The following DGKA variants were observed in gnomAD, a reference collection of about 807,000 sequenced individuals.
DGKA encodes 80 kDa diacylglycerol kinase.
In DGKA, 35 loss-of-function variants were observed where a neutral mutation model predicts 105.0. That is an observed-to-expected ratio of 0.33 (90% CI 0.25 to 0.44). The LOEUF (loss-of-function observed/expected upper bound fraction) is 0.44, where lower values mean the gene tolerates loss of function less well. Ranked by LOEUF, DGKA falls within the 20% of genes least tolerant of loss-of-function variation. The probability of loss-of-function intolerance (pLI) is 1.00; values close to 1 mark genes in which losing one functional copy is unlikely to be tolerated. For synonymous variants in DGKA, 296 were observed against 332.0 expected (o/e 0.89, Z 1.18); for missense variants, 665 against 915.0 (o/e 0.73, Z 3.53).
chr12:55,940,498 TCCGG>T lies in DGKA; in HGVS notation c.918+68_918+71del. The T allele has an allele frequency of 6.3e-7, 1 of 1,597,224 alleles. No homozygotes were observed. The highest frequency in any genetic ancestry group is 1.3e-5 in the African/African-American group (1 of 74,826). ...CGCAGAGCTGCCTTCTCCACGGGCC[TCCGG>T]CCACACCTCCTTTACAGGCACAGTT... On this transcript the variant is annotated intron_variant, in intron 11 of 23. Coordinates refer to ENST00000331886, the MANE Select transcript of DGKA (RefSeq NM_001345.5). The surrounding 1 kb of genome is among the most constrained non-coding windows in gnomAD (Gnocchi z 4.3).
At chr12:55,951,952 G>A in intron 18 of DGKA, 83 bp from the exon 19 acceptor site, 1 of 1,532,244 alleles carries the variant, frequency 6.5e-7, no homozygotes, top group South Asian at 1.1e-5. Flanking sequence ...GCTGTGGGGA[G>A]CAGCATGGGG....
chr12:55,932,053 CCTCCAGCCCAGCTCGGG>C lies in DGKA; in HGVS notation c.-82+717_-82+733del, dbSNP rs1031691225. ...GCGGCCGCGTCTGCCTGGCCCGTCC[CCTCCAGCCCAGCTCGGG>C]CTCCAGCTCCAGCGCCGGCGCTTCA... On this transcript the variant is annotated intron_variant, in intron 1 of 23. Coordinates refer to ENST00000331886, the MANE Select transcript of DGKA (RefSeq NM_001345.5). The surrounding 1 kb of genome is among the most constrained non-coding windows in gnomAD (Gnocchi z 4.3). The C allele has an allele frequency of 6.4e-6, 1 of 156,166 alleles. No homozygotes were observed. Among genetic ancestry groups the C allele is most frequent in the African/African-American group, 2.4e-5 (1 of 41,464 alleles). The allele number at this position is 156,166 out of a possible 1,614,324, so 9.7% of individuals were successfully genotyped here. A position where few individuals can be genotyped will look rare whatever the true frequency, so the allele number is the denominator to read the frequency against.
chr12:55,933,292 T>TTC (rs1483992637), intron 1 of DGKA, among the ~76,000 whole-genome samples: 6 of 152,138 alleles, frequency 3.9e-5, no homozygotes, highest in Non-Finnish European at 8.8e-5. Flanking sequence ...TGTTCTAAGA[T>TTC]TCTCTGCCTC....
At position 55,938,904 on chromosome 12, in the gene DGKA, T is replaced by C; in HGVS notation, c.400-11T>C. On this transcript the variant is annotated splice_polypyrimidine_tract_variant and intron_variant, in intron 6 of 23. Coordinates refer to ENST00000331886, the MANE Select transcript of DGKA (RefSeq NM_001345.5). The stretch of plus-strand genomic sequence containing the variant: ...GGGATATGGCTGTGGCTCTTGCCCT[T>C]TTTGCTCCAGGAAGTGGACAAAATT... The C allele has an allele frequency of 6.2e-7, 1 of 1,614,188 alleles. No homozygotes were observed.
rs548615343 is a variant in DGKA, at chr12:55,941,420, TA to T, written c.1176-89del. 6.6e-5 allele frequency: 104 copies of T among 1,580,240 alleles called. No individual in the cohort carries two copies. The South Asian group carries it at 1.2e-3, about 18-fold the overall frequency. On this transcript the variant is annotated intron_variant, in intron 14 of 23. Transcript: ENST00000331886. Reference sequence around the variant, plus strand: ...GGGGATGTGTGTGTCTGGAGGGGCATACCTTGAGGAACACACAAAGAGGGTG... The same window carrying T: ...GGGGATGTGTGTGTCTGGAGGGGCATCCTTGAGGAACACACAAAGAGGGTG...
chr12:55,946,418 G>A (rs1229992188), intron 17 of DGKA, among the ~76,000 whole-genome samples: 2 of 151,658 alleles, frequency 1.3e-5, no homozygotes, highest in African/African-American at 2.4e-5. Flanking sequence ...GTGCAGTGGC[G>A]CGATCTCAGC....
At position 55,952,063 on chromosome 12, in the gene DGKA, T is replaced by G. The variant is rs147403326; in HGVS notation, c.1616T>G (p.Ile539Ser). 392 of 1,613,794 alleles carry G rather than the reference T, an allele frequency of 2.4e-4. 2 individuals are homozygous for G. Among genetic ancestry groups the G allele is most frequent in the South Asian group, 3.8e-4 (35 of 91,074 alleles). ...VDASIAHRFHIMREKYPEKFN... is the reference protein window; with the variant it reads ...VDASIAHRFHSMREKYPEKFN... ...GCCTCTATTGCTCATCGATTCCACA[T>G]CATGCGAGAGAAATATCCGGAGAAG... is the stretch of plus-strand genomic sequence containing the variant. Residue 539 changes from isoleucine to serine, a missense_variant, in exon 19 of 24, where the codon ATC (isoleucine) becomes AGC (serine). Transcript: ENST00000331886. This position sits in a 1 kb window ranked among gnomAD's most constrained non-coding sequence, Gnocchi z 5.1.
Position 55,940,164 on chromosome 12 carries a change from C to T in DGKA, c.792C>T (p.Asp264=). The part of the protein sequence containing the change: ...EVSTYAKSRK[D]IGVQSHVWVR... ...GCACCTATGCCAAGTCTCGGAAGGA[C>T]ATTGGTGTGAGTGATCTCATGCCTC... is the stretch of plus-strand genomic sequence containing the variant. Residue 264 remains aspartate (D), a synonymous_variant, in exon 10 of 24, where the codon GAC becomes GAT. Coordinates refer to ENST00000331886, the MANE Select transcript of DGKA (RefSeq NM_001345.5). This position sits in a 1 kb window ranked among gnomAD's most constrained non-coding sequence, Gnocchi z 4.3. The T allele has an allele frequency of 6.2e-7, 1 of 1,614,216 alleles. No homozygotes were observed. Among genetic ancestry groups the T allele is most frequent in the Non-Finnish European group, 8.5e-7 (1 of 1,180,016 alleles).
intron 3 of DGKA, 90 bp downstream of exon 3, chr12:55,937,180 C>T: frequency 7.2e-7 from 1 of 1,394,442 alleles, no homozygotes; most frequent in South Asian, 1.2e-5. Flanking sequence ...CTGGGCCTGC[C>T]CCTCACTATC....
upstream of DGKA, chr12:55,929,597 GC>G (rs1245013744): frequency 1.3e-5 from 2 of 152,272 alleles, no homozygotes; most frequent in Non-Finnish European, 2.9e-5. Context: ...GGCAAAAAAG[GC>G]CGGGGAGAAC....
intron 7 of DGKA, 63 bp from the exon 8 acceptor site, chr12:55,939,123 G>A: frequency 1.9e-6 from 3 of 1,605,962 alleles, no homozygotes; most frequent in Non-Finnish European, 2.6e-6. Context: ...CTAAGAGGCA[G>A]TGGAGAGGTG....
chr12:55,951,509 G>C, intron 17 of DGKA, 114 bp from the exon 18 acceptor site: 4 of 1,122,794 alleles, frequency 3.6e-6, no homozygotes, highest in Non-Finnish European at 3.8e-6. Context: ...GCTAGGGCTG[G>C]GAGGCTCTGT....
intron 17 of DGKA, among the ~76,000 whole-genome samples, chr12:55,944,429 C>T (rs1886618606): frequency 6.6e-6 from 1 of 152,212 alleles, no homozygotes; most frequent in Non-Finnish European, 1.5e-5. Context: ...GATTGCACCA[C>T]TGCACTCCAG....
rs767585336 is a variant in DGKA at position 55,941,995 on chromosome 12, C to T, written c.1251-3C>T. On this transcript the variant is annotated splice_polypyrimidine_tract_variant and splice_region_variant and intron_variant, in intron 15 of 23. Coordinates refer to ENST00000331886, the MANE Select transcript of DGKA (RefSeq NM_001345.5). ...TTCATATTCTCTCTCCCCTTTGTCT[C>T]AGGCTCCGATTATTCAAGGATGTTC... The T allele has an allele frequency of 3.1e-6, 5 of 1,613,984 alleles. No individual in the cohort carries two copies. Among genetic ancestry groups the T allele is most frequent in the Non-Finnish European group, 4.2e-6 (5 of 1,180,018 alleles).
At chr12:55,945,863 C>G (rs1592720102) in intron 17 of DGKA, among the ~76,000 whole-genome samples, 1 of 151,838 alleles carries the variant, frequency 6.6e-6, no homozygotes, top group South Asian at 2.1e-4. Context: ...AATCTCGGCT[C>G]ATTGCAACCT....
At chr12:55,931,749 T>C (rs1883640981) in intron 1 of DGKA, 1 of 152,104 alleles carries the variant, frequency 6.6e-6, no homozygotes, top group Admixed American at 6.6e-5. Context: ...AGGTTTGGGA[T>C]GAAGGGAGAG....
At chr12:55,927,972 C>T (rs1883228799), upstream of DGKA, 2 of 580,612 alleles carry the variant, frequency 3.4e-6, no homozygotes, top group African/African-American at 3.9e-5. Flanking sequence ...TCTAATTAAA[C>T]TCGTCCAACC....
chr12:55,933,307 T>A (rs1884022639), intron 1 of DGKA, among the ~76,000 whole-genome samples: 1 of 152,120 alleles, frequency 6.6e-6, no homozygotes, highest in South Asian at 2.1e-4. Context: ...TGCCTCCAAG[T>A]CAACTTCTTC....
intron 1 of DGKA, chr12:55,935,526 G>A (rs530310449): frequency 3.3e-5 from 5 of 152,350 alleles, no homozygotes; most frequent in African/African-American, 1.2e-4. Context: ...GTGGAAGGAA[G>A]TTCCCAGGAG....
Sources: gnomAD v4.1 joint callset for allele counts (sites outside exome capture counted in the v4.1 genomes callset) on GRCh38, gnomAD v4.1.1 for gene constraint, Gnocchi (gnomAD v3.1) non-coding constraint, MANE v1.5 for transcripts, NCBI Gene and HGNC (gene_info 2026-07-23, HGNC 2026-07-21) for gene names.